ATP8A2: variants seen among roughly 807,000 people sequenced by gnomAD.
ATP8A2 encodes the protein ATPase phospholipid transporting 8A2.
A neutral mutation model predicts 165.6 loss-of-function variants in ATP8A2; 100 were observed. The ratio of observed to expected loss-of-function variants is 0.60; its 90% confidence interval spans 0.51 to 0.71. The LOEUF (loss-of-function observed/expected upper bound fraction) is 0.71, where lower values mean the gene tolerates loss of function less well. Among genes scored for constraint, ATP8A2 ranks in the 30% least tolerant of loss-of-function variants. The pLI is 0.00. For synonymous variants in ATP8A2, 543 were observed against 548.8 expected (o/e 0.99, Z 0.15); for missense variants, 1,227 against 1,479.5 (o/e 0.83, Z 2.80).
chr13:25,555,171 T>C, intron 13 of ATP8A2, 103 bp downstream of exon 13: 7 of 779,680 alleles, frequency 9.0e-6, no homozygotes, highest in Non-Finnish European at 1.6e-5. Flanking sequence ...TACTTCTCCA[T>C]GAACATGGCT....
intron 2 of ATP8A2, among the ~76,000 whole-genome samples, chr13:25,475,210 C>A (rs1017588496): frequency 6.6e-6 from 1 of 152,086 alleles, no homozygotes; most frequent in African/African-American, 2.4e-5. Context: ...TCTGTTGTTT[C>A]CTTCTTTGTG....
intron 2 of ATP8A2, among the ~76,000 whole-genome samples, chr13:25,508,933 A>C (rs2037135304): frequency 6.6e-6 from 1 of 152,198 alleles, no homozygotes; most frequent in Non-Finnish European, 1.5e-5. Context: ...TTCTTCTGTT[A>C]GGAGACATGT....
At chr13:25,932,159 T>C (rs1330377099) in intron 33 of ATP8A2, among the ~76,000 whole-genome samples, 1 of 151,904 alleles carries the variant, frequency 6.6e-6, no homozygotes, top group Non-Finnish European at 1.5e-5. Context: ...GTAGAAAAAA[T>C]GTAGCACGGA....
In ATP8A2 at chr13:25,551,462, A is replaced by G. The variant is rs1364473166; in HGVS notation, c.1016A>G (p.Asn339Ser). 1 of 1,613,722 alleles carries G rather than the reference A, an allele frequency of 6.2e-7. No individual in the cohort carries two copies. Among genetic ancestry groups the G allele is most frequent in the Non-Finnish European group, 8.5e-7 (1 of 1,179,692 alleles). ...AGCTCGGCGGGGGCCCTGTACTGGA[A>G]CAGGTCTCATGGTGAAAAGAACTGG... ...LVSSAGALYW[N>S]RSHGEKNWYI... The change falls in exon 11 of 37, where the codon AAC becomes AGC. Residue 339 changes from asparagine to serine, a missense_variant. Coordinates refer to ENST00000381655, the MANE Select transcript of ATP8A2 (RefSeq NM_016529.6).
rs190993842 is a variant in ATP8A2 at position 25,763,117 on chromosome 13, A to G, written c.2385-5929A>G. On this transcript the variant is annotated intron_variant, in intron 25 of 36. Transcript: ENST00000381655. Reference sequence around the variant, plus strand: ...ATTTCCAGAATTTTTTGCTGCAAAAACAACCAAAGCTAGAAACGCTCATCC... The same window carrying G: ...ATTTCCAGAATTTTTTGCTGCAAAAGCAACCAAAGCTAGAAACGCTCATCC... Among the ~76,000 whole-genome samples, 322 of 152,288 alleles carry G rather than the reference A, an allele frequency of 2.1e-3. 3 individuals are homozygous for G. The highest frequency in any genetic ancestry group is 7.0e-3 in the African/African-American group (291 of 41,562).
At chr13:25,503,899 A>G (rs1458526658) in intron 2 of ATP8A2, among the ~76,000 whole-genome samples, 1 of 152,186 alleles carries the variant, frequency 6.6e-6, no homozygotes, top group East Asian at 1.9e-4. Flanking sequence ...GAGCCAAACA[A>G]GGTATGTAGA....
chr13:25,837,465 ACACACG>A (rs1364937925), intron 29 of ATP8A2, among the ~76,000 whole-genome samples, 180 bp downstream of exon 29: 9 of 134,428 alleles, frequency 6.7e-5, no homozygotes, highest in Non-Finnish European at 4.8e-5. Context: ...ACACACACAC[ACACACG>A]CCACAAACCC....
At chr13:25,523,111 C>G (rs1273621182) in intron 2 of ATP8A2, among the ~76,000 whole-genome samples, 1 of 145,136 alleles carries the variant, frequency 6.9e-6, no homozygotes, top group Non-Finnish European at 1.5e-5. Context: ...GGGCTAGACT[C>G]TGTCTCAAAA....
chr13:25,930,797 T>A (rs1049419407), intron 33 of ATP8A2, among the ~76,000 whole-genome samples: 15 of 152,230 alleles, frequency 9.9e-5, no homozygotes, highest in Admixed American at 5.9e-4. Flanking sequence ...AGATAGAATC[T>A]CAGCCACCCA....
intron 25 of ATP8A2, among the ~76,000 whole-genome samples, chr13:25,721,211 T>A (rs1294332703): frequency 6.6e-6 from 1 of 152,038 alleles, no homozygotes; most frequent in East Asian, 1.9e-4. Context: ...GTGAGCTTTT[T>A]TTTTTTTCAA....
intron 2 of ATP8A2, among the ~76,000 whole-genome samples, chr13:25,492,471 C>CA (rs983133471): frequency 3.9e-5 from 6 of 152,062 alleles, no homozygotes; most frequent in East Asian, 1.9e-4. Flanking sequence ...GGGCTGCTTA[C>CA]AAAAAAAATT....
chr13:25,793,668 T>A (rs1566144623), intron 27 of ATP8A2, among the ~76,000 whole-genome samples: 1 of 152,192 alleles, frequency 6.6e-6, no homozygotes, highest in Admixed American at 6.5e-5. Context: ...AGTGTTTTTT[T>A]TTATCTTTAC....
chr13:25,451,976 T>G (rs1265781460), intron 1 of ATP8A2, among the ~76,000 whole-genome samples: 1 of 151,648 alleles, frequency 6.6e-6, no homozygotes, highest in East Asian at 2.0e-4. Context: ...TGCCTCAGCC[T>G]CCCAAGTAGC....
At chr13:25,486,908 G>A (rs974484862) in intron 2 of ATP8A2, among the ~76,000 whole-genome samples, 7 of 152,220 alleles carry the variant, frequency 4.6e-5, no homozygotes, top group African/African-American at 1.7e-4. Context: ...GGAGGTTAAA[G>A]TGAGCTGAGA....
intron 24 of ATP8A2, among the ~76,000 whole-genome samples, chr13:25,653,987 G>A (rs1055085021): frequency 6.6e-6 from 1 of 152,172 alleles, no homozygotes; most frequent in Non-Finnish European, 1.5e-5. Context: ...GCCTTGGGAA[G>A]AAAGGTGAGG....
intron 33 of ATP8A2, among the ~76,000 whole-genome samples, chr13:25,889,016 A>G (rs1014434108): frequency 5.3e-5 from 8 of 152,022 alleles, no homozygotes; most frequent in Admixed American, 2.0e-4. Context: ...ACAATCTGTC[A>G]ACGACTATGC....
At chr13:25,988,380 C>A (rs1956310963) in intron 35 of ATP8A2, among the ~76,000 whole-genome samples, 1 of 152,246 alleles carries the variant, frequency 6.6e-6, no homozygotes, top group South Asian at 2.1e-4. Flanking sequence ...CCAGCTCAGC[C>A]TCCAACCTAC....
intron 33 of ATP8A2, among the ~76,000 whole-genome samples, chr13:25,910,324 C>G (rs1256539376): frequency 1.3e-5 from 2 of 152,140 alleles, no homozygotes; most frequent in Non-Finnish European, 2.9e-5. Flanking sequence ...TGTGTAAGTC[C>G]TCATGCCTCA....
At chr13:25,751,538 G>A (rs891338434) in intron 25 of ATP8A2, among the ~76,000 whole-genome samples, 1 of 152,028 alleles carries the variant, frequency 6.6e-6, no homozygotes, top group African/African-American at 2.4e-5. Flanking sequence ...CTGGATTCAA[G>A]CGATCTTCCT....
Sources: allele counts gnomAD v4.1 joint callset (sites outside exome capture counted in the v4.1 genomes callset), GRCh38; gene constraint gnomAD v4.1.1; transcripts MANE v1.5; gene names NCBI Gene and HGNC (gene_info 2026-07-23, HGNC 2026-07-21).